The following KIF26B variants were observed in gnomAD, a reference collection of about 807,000 sequenced individuals.
The protein encoded by KIF26B is kinesin family member 26B, also known as kinesin-like protein KIF26B.
In KIF26B, 63 loss-of-function variants were observed where a neutral mutation model predicts 151.2. The ratio of observed to expected loss-of-function variants is 0.42; its 90% CI spans 0.34 to 0.51. The LOEUF is 0.51. Ranked by LOEUF, KIF26B falls within the 20% of genes least tolerant of loss-of-function variation. The probability of loss-of-function intolerance (pLI) is 0.07; values close to 1 mark genes in which losing one functional copy is unlikely to be tolerated. For missense variants in KIF26B, 2,813 were observed against 2,913.6 expected (o/e 0.97, Z 0.79); for synonymous variants, 1,357 against 1,262.1 (o/e 1.08, Z -1.59).
At chr1:245,519,744 G>C (rs906881675) in intron 4 of KIF26B, among the ~76,000 whole-genome samples, 16 of 152,234 alleles carry the variant, frequency 1.1e-4, no homozygotes, top group Non-Finnish European at 1.5e-5. Flanking sequence ...GTACTGAATA[G>C]TGTAGCCATT....
At chr1:245,655,457 C>T (rs1314609365) in intron 10 of KIF26B, among the ~76,000 whole-genome samples, 1 of 152,172 alleles carries the variant, frequency 6.6e-6, no homozygotes, top group East Asian at 1.9e-4. Flanking sequence ...CGAAATGAAC[C>T]CTCATGCATT....
At chr1:245,222,695 A>AT (rs1669798508) in intron 2 of KIF26B, among the ~76,000 whole-genome samples, 1 of 152,238 alleles carries the variant, frequency 6.6e-6, no homozygotes, top group Admixed American at 6.5e-5. Context: ...CAAATGTTGC[A>AT]TATTGAGAGT....
chr1:245,286,015 A>G lies in KIF26B; in HGVS notation c.466-80819A>G, dbSNP rs899664678. On this transcript the variant is annotated intron_variant, in intron 2 of 14. Coordinates refer to ENST00000407071, the MANE Select transcript of KIF26B (RefSeq NM_018012.4). The stretch of plus-strand genomic sequence containing the variant: ...CCTCTCTCTAAAAAAAAAAAAAAAA[A>G]GGAAAAGAAAAAAGAAAAGAAAAAG... Among the ~76,000 whole-genome samples the G allele has an allele frequency of 2.1e-4, 31 of 147,718 alleles. No homozygotes were observed. The South Asian group carries it at 5.6e-3, about 27-fold the overall frequency.
intron 9 of KIF26B, among the ~76,000 whole-genome samples, chr1:245,625,298 G>GA (rs1287052780): frequency 1.3e-5 from 2 of 150,778 alleles, no homozygotes; most frequent in African/African-American, 4.9e-5. Flanking sequence ...GGATTACGTA[G>GA]AAAAAATTTC....
At chr1:245,553,287 C>T (rs1661937266) in intron 5 of KIF26B, among the ~76,000 whole-genome samples, 1 of 152,180 alleles carries the variant, frequency 6.6e-6, no homozygotes, top group Non-Finnish European at 1.5e-5. Flanking sequence ...ACTCTGGAAC[C>T]TGTCCTCTGG....
At chr1:245,296,706 A>G (rs961482745) in intron 2 of KIF26B, among the ~76,000 whole-genome samples, 1 of 152,126 alleles carries the variant, frequency 6.6e-6, no homozygotes, top group African/African-American at 2.4e-5. Flanking sequence ...GTCTTTATGA[A>G]CTTTCCATCA....
chr1:245,600,960 T>C (rs2043389779), intron 5 of KIF26B, among the ~76,000 whole-genome samples: 1 of 152,106 alleles, frequency 6.6e-6, no homozygotes, highest in African/African-American at 2.4e-5. Context: ...CACCCACAGG[T>C]TCAGTGATGT....
At chr1:245,533,633 T>A (rs984517014) in intron 4 of KIF26B, among the ~76,000 whole-genome samples, 1 of 152,152 alleles carries the variant, frequency 6.6e-6, no homozygotes, top group African/African-American at 2.4e-5. Context: ...TTTTAAAAGA[T>A]TGCTAGGTCA....
At chr1:245,342,816 G>A (rs35095325) in intron 2 of KIF26B, among the ~76,000 whole-genome samples, 8,899 of 152,216 alleles carry the variant, frequency 0.058, 527 homozygotes, top group Admixed American at 0.19. Flanking sequence ...GCCAGGCGCC[G>A]TGGCTCATGC....
At chr1:245,381,422 G>C (rs1230321348) in intron 3 of KIF26B, among the ~76,000 whole-genome samples, 1 of 152,192 alleles carries the variant, frequency 6.6e-6, no homozygotes, top group East Asian at 1.9e-4. Flanking sequence ...TGAGGCCCAG[G>C]ATGGCTTTGA....
chr1:245,509,015 A>T (rs1044621746), intron 4 of KIF26B, among the ~76,000 whole-genome samples: 3 of 152,224 alleles, frequency 2.0e-5, no homozygotes, highest in African/African-American at 7.2e-5. Flanking sequence ...TGTGAAATGG[A>T]GGTAGATGTT....
In KIF26B at chr1:245,274,327, G is replaced by A. The variant is rs569068568; in HGVS notation, c.466-92507G>A. ...GCCATGGTGGTTTGCTGCACCCATC[G>A]ATCCATCATCTACATTAGGTATTTA... On this transcript the variant is annotated intron_variant, in intron 2 of 14. Coordinates refer to ENST00000407071, the MANE Select transcript of KIF26B (RefSeq NM_018012.4). 7.7e-4 allele frequency among the ~76,000 whole-genome samples: 117 copies of A among 151,832 alleles called. 1 individual carries two copies. The highest frequency in any genetic ancestry group is 9.9e-4 in the Non-Finnish European group (67 of 67,980).
At chr1:245,459,066 T>TA (rs969255806) in intron 4 of KIF26B, among the ~76,000 whole-genome samples, 1 of 152,220 alleles carries the variant, frequency 6.6e-6, no homozygotes, top group African/African-American at 2.4e-5. Context: ...ACTGCAGACT[T>TA]ACTTCCCCTT....
intron 9 of KIF26B, among the ~76,000 whole-genome samples, chr1:245,634,231 G>A (rs2043811302): frequency 6.6e-6 from 1 of 152,284 alleles, no homozygotes; most frequent in Middle Eastern, 3.4e-3. Flanking sequence ...TACCTTTTTT[G>A]TGGATTGCAT....
At chr1:245,322,349 TG>T (rs548202935) in intron 2 of KIF26B, among the ~76,000 whole-genome samples, 260 of 152,288 alleles carry the variant, frequency 1.7e-3, no homozygotes, top group African/African-American at 6.1e-3. Context: ...GTAACAAACC[TG>T]CATGTTCTGC....
At chr1:245,684,116 A>C (rs1558268586) in intron 10 of KIF26B, 117 bp from the exon 11 acceptor site, 1 of 1,084,038 alleles carries the variant, frequency 9.2e-7, no homozygotes, top group East Asian at 2.4e-5. Flanking sequence ...ATGCCATTAA[A>C]AAGGGTGGGG....
chr1:245,465,628 G>A (rs980621883), intron 4 of KIF26B, among the ~76,000 whole-genome samples: 2 of 152,152 alleles, frequency 1.3e-5, no homozygotes, highest in African/African-American at 4.8e-5. Context: ...CCAACTCCTC[G>A]AATATCCCTG....
At chr1:245,368,945 G>A (rs1673028374) in intron 3 of KIF26B, among the ~76,000 whole-genome samples, 1 of 151,956 alleles carries the variant, frequency 6.6e-6, no homozygotes, top group African/African-American at 2.4e-5. Flanking sequence ...GACCAGCCTG[G>A]GCATCCTGGC....
chr1:245,480,274 CG>C (rs199997895), intron 4 of KIF26B, among the ~76,000 whole-genome samples: 3 of 148,512 alleles, frequency 2.0e-5, no homozygotes, highest in Non-Finnish European at 3.0e-5. Context: ...GACCCTGTCT[CG>C]GGGGGGAGGA....
Sources: allele counts gnomAD v4.1 joint callset (sites outside exome capture counted in the v4.1 genomes callset), GRCh38; gene constraint gnomAD v4.1.1; transcripts MANE v1.5; gene names NCBI Gene and HGNC (gene_info 2026-07-23, HGNC 2026-07-21).